Variants in C11orf65 observed in about 807,000 individuals in gnomAD.
C11orf65 encodes protein MFI.
C11orf65 carries 38 observed loss-of-function variants against 35.3 expected under a neutral mutation model. The ratio of observed to expected loss-of-function variants is 1.08; its 90% CI spans 0.83 to 1.41. C11orf65 has a LOEUF of 1.41. Among genes scored for constraint, C11orf65 ranks in the 40% most tolerant of loss-of-function variants. The probability of loss-of-function intolerance (pLI) is 0.00; values close to 1 mark genes in which losing one functional copy is unlikely to be tolerated. For missense variants in C11orf65, 370 were observed against 367.1 expected (o/e 1.01, Z -0.06); for synonymous variants, 105 against 114.4 (o/e 0.92, Z 0.53).
chr11:108,371,861 G>C (rs1291019503), intron 2 of C11orf65, among the ~76,000 whole-genome samples: 1 of 152,064 alleles, frequency 6.6e-6, no homozygotes, highest in East Asian at 1.9e-4. Context: ...AGTGCACAAG[G>C]GTTGCAATTT....
chr11:108,454,754 C>T (rs886134330), intron 2 of C11orf65, among the ~76,000 whole-genome samples: 1 of 152,150 alleles, frequency 6.6e-6, no homozygotes, highest in Non-Finnish European at 1.5e-5. Flanking sequence ...GCCACCACAC[C>T]TGATTTTCTT....
intron 6 of C11orf65, chr11:108,317,589 C>G (rs2136174247): frequency 7.5e-7 from 1 of 1,329,360 alleles, no homozygotes; most frequent in South Asian, 1.2e-5. Flanking sequence ...CTGTTTTTCT[C>G]TTCTATGAAT....
At chr11:108,317,616 TATATATA>T in intron 6 of C11orf65, 1 of 9,616 alleles carries the variant, frequency 1.0e-4, no homozygotes, top group Non-Finnish European at 2.6e-4. Flanking sequence ...GGAGTTGTTT[TATATATA>T]TATATATATA....
At chr11:108,404,724 C>T (rs957484255) in intron 6 of C11orf65, among the ~76,000 whole-genome samples, 7 of 152,178 alleles carry the variant, frequency 4.6e-5, no homozygotes, top group Admixed American at 6.5e-5. Flanking sequence ...CCACCGCGCC[C>T]GGCCACATGG....
At chr11:108,341,038 CATT>C (rs1484128866) in intron 2 of C11orf65, among the ~76,000 whole-genome samples, 2 of 152,086 alleles carry the variant, frequency 1.3e-5, no homozygotes, top group African/African-American at 4.8e-5. Flanking sequence ...CATGAGTTCA[CATT>C]ATCCCTGAAT....
chr11:108,389,851 C>A lies in C11orf65; in HGVS notation c.731+3357G>T, dbSNP rs577152713. Among the ~76,000 whole-genome samples, 11 of 151,844 alleles carry A rather than the reference C, an allele frequency of 7.2e-5. 1 individual carries two copies. In the South Asian group the frequency reaches 2.1e-3, roughly 29 times the overall value. ...CTAGGACTACAGGCACCCACCACCA[C>A]GCCCGGCTAATTTTTTATATTTTTA... On this transcript the variant is annotated intron_variant, in intron 7 of 8. Coordinates refer to ENST00000393084, the MANE Select transcript of C11orf65 (RefSeq NM_152587.5).
chr11:108,341,647 A>G (rs1173307216), intron 2 of C11orf65, among the ~76,000 whole-genome samples: 2 of 152,226 alleles, frequency 1.3e-5, no homozygotes, highest in East Asian at 3.8e-4. Flanking sequence ...ACGAGTGACC[A>G]GCTGAGAAAA....
chr11:108,413,540 T>A (rs188228268), intron 3 of C11orf65, among the ~76,000 whole-genome samples: 1 of 152,258 alleles, frequency 6.6e-6, no homozygotes, highest in African/African-American at 2.4e-5. Context: ...CTGATTGTGC[T>A]GGCTAGGACT....
intron 2 of C11orf65, among the ~76,000 whole-genome samples, chr11:108,362,886 A>C (rs908815070): frequency 1.3e-5 from 2 of 151,868 alleles, no homozygotes; most frequent in East Asian, 1.9e-4. Flanking sequence ...CCAGCATGGC[A>C]TATGTATACA....
At chr11:108,449,047 G>A (rs1190690828) in intron 2 of C11orf65, among the ~76,000 whole-genome samples, 1 of 152,088 alleles carries the variant, frequency 6.6e-6, no homozygotes, top group Non-Finnish European at 1.5e-5. Flanking sequence ...GCTTCAAAGA[G>A]AATAAAATAC....
At chr11:108,386,719 A>T (rs1442754324) in intron 7 of C11orf65, among the ~76,000 whole-genome samples, 2 of 152,146 alleles carry the variant, frequency 1.3e-5, no homozygotes, top group East Asian at 3.9e-4. Flanking sequence ...TTAATCAAAA[A>T]ATCAGGTCAG....
intron 2 of C11orf65, among the ~76,000 whole-genome samples, chr11:108,351,939 C>G (rs1460236935): frequency 6.6e-6 from 1 of 152,178 alleles, no homozygotes; most frequent in African/African-American, 2.4e-5. Context: ...ACTTTCAGCC[C>G]TACTCAGCTA....
chr11:108,435,341 A>G (rs2093046150), intron 2 of C11orf65, among the ~76,000 whole-genome samples: 1 of 152,214 alleles, frequency 6.6e-6, no homozygotes, highest in African/African-American at 2.4e-5. Context: ...AAAAAAGACA[A>G]TTACCATACT....
At chr11:108,328,408 G>A (rs567395825), downstream of C11orf65, among the ~76,000 whole-genome samples, 42 of 152,034 alleles carry the variant, frequency 2.8e-4, 1 homozygote, top group Admixed American at 2.5e-3. Flanking sequence ...CACCACACCC[G>A]GCTAATATTT....
chr11:108,330,320 A>G (rs1591160721), downstream of C11orf65: 1 of 1,614,206 alleles, frequency 6.2e-7, no homozygotes, highest in Non-Finnish European at 8.5e-7. Flanking sequence ...AAATTATATC[A>G]ACTGCTTATT....
chr11:108,421,272 T>C (rs980665499), intron 3 of C11orf65, among the ~76,000 whole-genome samples: 15 of 152,192 alleles, frequency 9.9e-5, no homozygotes, highest in Non-Finnish European at 2.2e-4. Context: ...TTAAATCCTA[T>C]AAGCTGGCCC....
intron 1 of C11orf65, among the ~76,000 whole-genome samples, chr11:108,461,875 C>T (rs2093477627): frequency 6.6e-6 from 1 of 151,836 alleles, no homozygotes; most frequent in Admixed American, 6.6e-5. Context: ...TCTGGCTTGG[C>T]CTCCCAAAGT....
intron 2 of C11orf65, chr11:108,345,671 A>C: frequency 8.1e-7 from 1 of 1,237,388 alleles, no homozygotes; most frequent in Non-Finnish European, 1.1e-6. Flanking sequence ...TCATATTTTT[A>C]TATAAAAATG....
At chr11:108,400,911 C>T (rs1018425498) in intron 6 of C11orf65, among the ~76,000 whole-genome samples, 2 of 152,034 alleles carry the variant, frequency 1.3e-5, no homozygotes, top group African/African-American at 2.4e-5. Flanking sequence ...TCAAGACCAG[C>T]CTGGCCAATA....
Sources: gnomAD v4.1 joint callset for allele counts (sites outside exome capture counted in the v4.1 genomes callset) on GRCh38, gnomAD v4.1.1 for gene constraint, MANE v1.5 for transcripts, NCBI Gene and HGNC (gene_info 2026-07-23, HGNC 2026-07-21) for gene names.